Variants in PTPRO observed in about 807,000 individuals in gnomAD.
The protein encoded by PTPRO is protein tyrosine phosphatase receptor type O.
In PTPRO, 62 loss-of-function variants were observed where a neutral mutation model predicts 145.2. That is an observed-to-expected ratio of 0.43 (90% CI 0.35 to 0.53). The LOEUF is 0.53. Ranked by LOEUF, PTPRO falls within the 20% of genes least tolerant of loss-of-function variation. The pLI is 0.01. For missense variants in PTPRO, 1,345 were observed against 1,482.7 expected, an observed-to-expected ratio of 0.91 and a Z score of 1.53; for synonymous variants, 565 against 514.7, an observed-to-expected ratio of 1.10 and a Z score of -1.32.
chr12:15,347,586 CG>C (rs1867267988), intron 1 of PTPRO, among the ~76,000 whole-genome samples: 2 of 152,176 alleles, frequency 1.3e-5, no homozygotes, highest in African/African-American at 4.8e-5. Context: ...TTACCTACCA[CG>C]TTTCACAAAC....
chr12:15,372,157 A>G (rs907964727), intron 1 of PTPRO, among the ~76,000 whole-genome samples: 4 of 152,166 alleles, frequency 2.6e-5, no homozygotes, highest in Admixed American at 6.5e-5. Flanking sequence ...ATATGTGTCA[A>G]GCGTTTGTGG....
Position 15,504,086 on chromosome 12 carries a change from T to A in PTPRO, c.1267+17T>A. On this transcript the variant is annotated intron_variant, in intron 6 of 26. Transcript: ENST00000281171. ...TTTATATCAGTAAGTAACAAAGAGA[T>A]CATTTTACACTTACTGGGGAGCTAG... is the stretch of plus-strand genomic sequence containing the variant. 1.9e-6 allele frequency: 3 copies of A among 1,600,798 alleles called. No individual in the cohort carries two copies. The highest frequency in any genetic ancestry group is 2.6e-6 in the Non-Finnish European group (3 of 1,168,356).
intron 7 of PTPRO, among the ~76,000 whole-genome samples, chr12:15,509,642 A>G (rs1223420829): frequency 1.9e-4 from 16 of 86,352 alleles, no homozygotes; most frequent in Non-Finnish European, 3.5e-4. Flanking sequence ...GGTTGCAGTG[A>G]GCCCACTGTA....
chr12:15,509,313 G>A (rs926697930), intron 7 of PTPRO, among the ~76,000 whole-genome samples: 4 of 150,480 alleles, frequency 2.7e-5, no homozygotes, highest in African/African-American at 9.8e-5. Flanking sequence ...TTGTTTGTTT[G>A]TTTTACTTTT....
Position 15,589,437 on chromosome 12 carries a change from C to G in PTPRO, c.3411-18C>G, listed in dbSNP as rs769707786. ...AAGCACCATCTGAATAATATGCCAT[C>G]GGAACATTCTTTTGCAGTGCTGGCG... On this transcript the variant is annotated intron_variant, in intron 24 of 26. Coordinates refer to ENST00000281171, the MANE Select transcript of PTPRO (RefSeq NM_030667.3). 2 of 1,613,614 alleles carry G rather than the reference C, an allele frequency of 1.2e-6. 1 individual carries two copies. The highest frequency in any genetic ancestry group is 2.2e-5 in the South Asian group (2 of 91,060).
chr12:15,494,256 A>G (rs1942056815), intron 2 of PTPRO, among the ~76,000 whole-genome samples: 1 of 152,212 alleles, frequency 6.6e-6, no homozygotes. Context: ...CAAAGATATT[A>G]AGTGATTCAC....
intron 1 of PTPRO, among the ~76,000 whole-genome samples, chr12:15,347,769 T>C (rs1030510154): frequency 3.3e-5 from 5 of 152,240 alleles, no homozygotes; most frequent in South Asian, 2.1e-4. Context: ...TTGGAGGTCA[T>C]AGAAAATTCA....
At chr12:15,416,478 C>G (rs1292732477) in intron 1 of PTPRO, among the ~76,000 whole-genome samples, 1 of 151,348 alleles carries the variant, frequency 6.6e-6, no homozygotes, top group Non-Finnish European at 1.5e-5. Flanking sequence ...CACCACCATG[C>G]CTGGCTAATT....
At chr12:15,406,503 T>C (rs1200569133) in intron 1 of PTPRO, among the ~76,000 whole-genome samples, 1 of 152,216 alleles carries the variant, frequency 6.6e-6, no homozygotes, top group African/African-American at 2.4e-5. Flanking sequence ...TTAATTTCCA[T>C]AGTGATTTTT....
intron 2 of PTPRO, among the ~76,000 whole-genome samples, chr12:15,494,953 A>T (rs756114220): frequency 6.6e-6 from 1 of 152,190 alleles, no homozygotes; most frequent in Non-Finnish European, 1.5e-5. Context: ...TGGATCTGGT[A>T]GACTCCATGG....
chr12:15,436,013 C>G (rs1045165361), intron 1 of PTPRO, among the ~76,000 whole-genome samples: 4 of 152,190 alleles, frequency 2.6e-5, no homozygotes, highest in African/African-American at 4.8e-5. Context: ...GAACAACCTG[C>G]TCCTGAATGA....
chr12:15,569,897 A>G (rs1204490264), intron 19 of PTPRO, among the ~76,000 whole-genome samples: 1 of 152,192 alleles, frequency 6.6e-6, no homozygotes, highest in Non-Finnish European at 1.5e-5. Context: ...CGGATAGTGG[A>G]TAAAACTGAC....
intron 1 of PTPRO, among the ~76,000 whole-genome samples, chr12:15,418,302 C>A (rs1249114779): frequency 2.0e-5 from 3 of 151,760 alleles, no homozygotes; most frequent in Admixed American, 2.0e-4. Context: ...TATAGATTAA[C>A]TGCTTTGTTA....
At chr12:15,460,249 G>A (rs938538665) in intron 1 of PTPRO, among the ~76,000 whole-genome samples, 1 of 152,168 alleles carries the variant, frequency 6.6e-6, no homozygotes, top group Admixed American at 6.5e-5. Flanking sequence ...CTACCAGCAT[G>A]TGTCTTGTGG....
intron 19 of PTPRO, among the ~76,000 whole-genome samples, chr12:15,577,266 A>C (rs573221584): frequency 6.6e-6 from 1 of 152,376 alleles, no homozygotes; most frequent in Non-Finnish European, 1.5e-5. Flanking sequence ...AAAGGAAGAG[A>C]GAAATCTGGG....
chr12:15,355,432 C>A (rs1418622682), intron 1 of PTPRO, among the ~76,000 whole-genome samples: 1 of 152,182 alleles, frequency 6.6e-6, no homozygotes, highest in Non-Finnish European at 1.5e-5. Flanking sequence ...CTGAAAAACC[C>A]AGTTTTGCTG....
At chr12:15,565,572 C>A in intron 17 of PTPRO, 21 bp from the exon 18 acceptor site, 1 of 1,432,094 alleles carries the variant, frequency 7.0e-7, no homozygotes, top group Non-Finnish European at 9.8e-7. Flanking sequence ...ATAAATTTGT[C>A]TTTTCTTTTT....
intron 12 of PTPRO, among the ~76,000 whole-genome samples, chr12:15,539,761 CAAAAAAAAAAAAAA>C (rs56061735): frequency 1.1e-3 from 57 of 52,484 alleles, no homozygotes; most frequent in African/African-American, 4.3e-3. Flanking sequence ...GACTCTGTCT[CAAAAAAAAAAAAAA>C]AAAAAAAAAA....
chr12:15,545,222 G>A (rs1266342929), intron 12 of PTPRO, among the ~76,000 whole-genome samples: 2 of 151,870 alleles, frequency 1.3e-5, no homozygotes, highest in Non-Finnish European at 2.9e-5. Context: ...TTAGGAGAGT[G>A]GGGCAGAAAA....
Sources: gnomAD v4.1 joint callset for allele counts (sites outside exome capture counted in the v4.1 genomes callset) on GRCh38, gnomAD v4.1.1 for gene constraint, MANE v1.5 for transcripts, NCBI Gene and HGNC (gene_info 2026-07-23, HGNC 2026-07-21) for gene names.